EYS: variants seen among roughly 807,000 people sequenced by gnomAD.
The protein encoded by EYS is EGF-like photoreceptor maintenance factor, also known as protein eyes shut homolog.
EYS carries 250 observed loss-of-function variants against 282.1 expected under a neutral mutation model. The ratio of observed to expected loss-of-function variants is 0.89; its 90% confidence interval spans 0.80 to 0.98. The LOEUF (loss-of-function observed/expected upper bound fraction) is 0.98, where lower values mean the gene tolerates loss of function less well. EYS is among the 50% of genes least tolerant of loss of function. The pLI is 0.00. For synonymous variants in EYS, 1,355 were observed against 1,282.9 expected (o/e 1.06, Z -1.20); for missense variants, 4,016 against 3,709.0 (o/e 1.08, Z -2.15).
chr6:65,372,089 T>G (rs1227205029), intron 8 of EYS, among the ~76,000 whole-genome samples: 1 of 151,752 alleles, frequency 6.6e-6, no homozygotes, highest in East Asian at 1.9e-4. Context: ...AGTTTTAAAT[T>G]TTGTGTTTTT....
At chr6:65,215,802 T>C (rs1766297293) in intron 12 of EYS, among the ~76,000 whole-genome samples, 1 of 152,194 alleles carries the variant, frequency 6.6e-6, no homozygotes, top group African/African-American at 2.4e-5. Context: ...GCCATCAACA[T>C]TGAGACAAGA....
At chr6:65,347,210 T>C (rs1451906097) in intron 9 of EYS, among the ~76,000 whole-genome samples, 1 of 151,846 alleles carries the variant, frequency 6.6e-6, no homozygotes, top group Non-Finnish European at 1.5e-5. Context: ...AAAAATTATA[T>C]ACTTACAGTG....
intron 22 of EYS, among the ~76,000 whole-genome samples, chr6:64,786,181 G>A (rs1262268064): frequency 1.1e-5 from 1 of 95,164 alleles, no homozygotes; most frequent in African/African-American, 2.8e-5. Flanking sequence ...GTCTTTACTG[G>A]TTCTACATTT....
chr6:64,378,839 T>C (rs1034606805), intron 29 of EYS, among the ~76,000 whole-genome samples: 9 of 152,170 alleles, frequency 5.9e-5, no homozygotes, highest in African/African-American at 2.2e-4. Context: ...GAAAGCACTA[T>C]TGCATGTCAT....
intron 37 of EYS, among the ~76,000 whole-genome samples, chr6:63,798,721 C>G (rs1262405889): frequency 7.9e-5 from 12 of 151,840 alleles, no homozygotes. Flanking sequence ...TTTTTTTCCA[C>G]AGGAAAATAA....
At chr6:64,376,968 A>C (rs962784508) in intron 29 of EYS, among the ~76,000 whole-genome samples, 3 of 152,124 alleles carry the variant, frequency 2.0e-5, no homozygotes, top group Non-Finnish European at 4.4e-5. Flanking sequence ...AGGCAGAGAA[A>C]GGCTTTGTGA....
At chr6:65,678,307 G>C (rs1019745891) in intron 1 of EYS, among the ~76,000 whole-genome samples, 9 of 152,012 alleles carry the variant, frequency 5.9e-5, no homozygotes, top group Non-Finnish European at 1.2e-4. Context: ...ATTTCAACAT[G>C]AGATCTGGAG....
intron 33 of EYS, among the ~76,000 whole-genome samples, chr6:64,046,013 A>G (rs145212881): frequency 0.031 from 4,574 of 147,552 alleles, 71 homozygotes; most frequent in Non-Finnish European, 0.048. Context: ...TGTAATCTAT[A>G]ATAAATATGT....
chr6:63,742,740 A>G (rs745957638), intron 41 of EYS, among the ~76,000 whole-genome samples: 2 of 152,192 alleles, frequency 1.3e-5, no homozygotes, highest in Non-Finnish European at 2.9e-5. Context: ...TATCTGGATT[A>G]TCTATCAGTT....
chr6:64,389,756 T>G (rs899928847), intron 28 of EYS, among the ~76,000 whole-genome samples: 1 of 152,180 alleles, frequency 6.6e-6, no homozygotes, highest in Non-Finnish European at 1.5e-5. Flanking sequence ...ATAGTACACA[T>G]TCTTGGGAGG....
intron 31 of EYS, among the ~76,000 whole-genome samples, chr6:64,190,168 G>A (rs180968916): frequency 3.3e-5 from 5 of 152,268 alleles, no homozygotes; most frequent in Non-Finnish European, 7.4e-5. Context: ...GAGTGAGCAC[G>A]CTAGAGAACC....
At chr6:64,068,984 A>G (rs1771476347) in intron 32 of EYS, among the ~76,000 whole-genome samples, 1 of 151,958 alleles carries the variant, frequency 6.6e-6, no homozygotes, top group Admixed American at 6.6e-5. Context: ...AGGAAGAGGG[A>G]GACTTGATGG....
In EYS at chr6:65,362,831, T is replaced by C. The variant is rs186410144; in HGVS notation, c.1300-9214A>G. On this transcript the variant is annotated intron_variant, in intron 8 of 42. Transcript: ENST00000503581. ...TGTATTTATTTTTTCTCAAGGACTT[T>C]CATTTTTAAACTTTATAAATACAGT... 2.1e-3 allele frequency among the ~76,000 whole-genome samples: 327 copies of C among 152,186 alleles called. 1 individual carries two copies. Among genetic ancestry groups the C allele is most frequent in the Non-Finnish European group, 3.9e-3 (263 of 67,978 alleles).
intron 19 of EYS, among the ~76,000 whole-genome samples, chr6:64,865,798 T>A (rs998782080): frequency 3.3e-5 from 5 of 152,218 alleles, no homozygotes; most frequent in African/African-American, 1.2e-4. Flanking sequence ...CCTAGACTGA[T>A]GTAGCTGCAA....
chr6:64,771,070 T>C (rs1773510001), intron 22 of EYS, among the ~76,000 whole-genome samples: 1 of 151,766 alleles, frequency 6.6e-6, no homozygotes, highest in Non-Finnish European at 1.5e-5. Flanking sequence ...TGCTATTCCT[T>C]TGATTCCAGG....
At chr6:64,531,480 G>T (rs1053781765) in intron 26 of EYS, among the ~76,000 whole-genome samples, 1 of 150,078 alleles carries the variant, frequency 6.7e-6, no homozygotes, top group African/African-American at 2.4e-5. Flanking sequence ...TCCGCCTCCC[G>T]GATTCACGCC....
At chr6:65,150,927 T>G (rs752538195) in intron 12 of EYS, among the ~76,000 whole-genome samples, 1 of 152,032 alleles carries the variant, frequency 6.6e-6, no homozygotes, top group Non-Finnish European at 1.5e-5. Context: ...TTTTCACTTT[T>G]TCTTATTTAA....
intron 12 of EYS, among the ~76,000 whole-genome samples, chr6:65,194,856 T>G (rs1344225552): frequency 2.6e-5 from 4 of 151,456 alleles, no homozygotes; most frequent in South Asian, 2.1e-4. Context: ...GCCAGTTGTT[T>G]TTTTTTTTTT....
chr6:65,671,587 T>C lies in EYS; in HGVS notation c.-447-31695A>G, dbSNP rs1349727116. 3.9e-5 allele frequency among the ~76,000 whole-genome samples: 6 copies of C among 151,936 alleles called. No homozygotes were observed. The South Asian group carries it at 6.2e-4, about 16-fold the overall frequency. The stretch of plus-strand genomic sequence containing the variant: ...TTGCAGGGTGAAGTAAGGAAGATGG[T>C]TGAATAAGTACCAAACCCTCCTCTG... On this transcript the variant is annotated intron_variant, in intron 1 of 42. Coordinates refer to ENST00000503581, the MANE Select transcript of EYS (RefSeq NM_001142800.2).
Sources: gnomAD v4.1 joint callset for allele counts (sites outside exome capture counted in the v4.1 genomes callset) on GRCh38, gnomAD v4.1.1 for gene constraint, MANE v1.5 for transcripts, NCBI Gene and HGNC (gene_info 2026-07-23, HGNC 2026-07-21) for gene names.